Variants in KLHL13 observed in about 807,000 individuals in gnomAD.
The protein encoded by KLHL13 is kelch like family member 13.
KLHL13 carries 10 observed loss-of-function variants against 37.1 expected under a neutral mutation model. The ratio of observed to expected loss-of-function variants is 0.27; its 90% confidence interval spans 0.17 to 0.46. The LOEUF (loss-of-function observed/expected upper bound fraction) is 0.46. Ranked by LOEUF, KLHL13 falls within the 20% of genes least tolerant of loss-of-function variation. The pLI is 1.00. For missense variants in KLHL13, 360 were observed against 509.3 expected, an observed-to-expected ratio of 0.71 and a Z score of 2.82; for synonymous variants, 163 against 181.2, an observed-to-expected ratio of 0.90 and a Z score of 0.81.
At position 118,050,808 on chromosome X, in the gene KLHL13, C is replaced by G. The variant is rs188305403; in HGVS notation, c.-56+65700G>C. 2.7e-5 allele frequency among the ~76,000 whole-genome samples: 3 copies of G among 111,909 alleles called. No individual in the cohort carries two copies. The East Asian group carries it at 8.4e-4, about 31-fold the overall frequency. The stretch of plus-strand genomic sequence containing the variant: ...AAAATGTGAGAAATGAAAATATGAG[C>G]AAGACAGCATAAAATTATTATTTAC... On this transcript the variant is annotated intron_variant, in intron 1 of 6. Coordinates refer to the KLHL13 transcript ENST00000371882.
At chrX:118,096,113 C>A (rs2055202964) in intron 1 of KLHL13, among the ~76,000 whole-genome samples, 1 of 111,743 alleles carries the variant, frequency 8.9e-6, no homozygotes, top group African/African-American at 3.2e-5. Context: ...ACACAAAAAA[C>A]CCTTCAAAAA....
chrX:118,072,579 C>A (rs1202971660), intron 1 of KLHL13, among the ~76,000 whole-genome samples: 1 of 111,154 alleles, frequency 9.0e-6, no homozygotes, highest in African/African-American at 3.3e-5. Context: ...ACAACCTACT[C>A]ATCTGACAAA....
chrX:118,024,636 T>C (rs183563749), intron 1 of KLHL13, among the ~76,000 whole-genome samples: 20 of 111,692 alleles, frequency 1.8e-4, no homozygotes, highest in African/African-American at 6.5e-4. Context: ...AGAAAACCTA[T>C]TCATATCATT....
intron 1 of KLHL13, among the ~76,000 whole-genome samples, chrX:117,982,007 C>A (rs1336413410): frequency 2.7e-5 from 3 of 110,653 alleles, no homozygotes; most frequent in Non-Finnish European, 5.7e-5. Context: ...TAGCCCAAAA[C>A]CCCTAGAAAG....
intron 1 of KLHL13, among the ~76,000 whole-genome samples, chrX:118,091,246 G>T (rs1602715994): frequency 2.7e-5 from 3 of 110,288 alleles, no homozygotes; most frequent in Non-Finnish European, 3.8e-5. Flanking sequence ...ACCTGCACAT[G>T]GTGCACATGT....
chrX:118,073,146 C>T (rs2054890145), intron 1 of KLHL13, among the ~76,000 whole-genome samples: 1 of 109,825 alleles, frequency 9.1e-6, no homozygotes, highest in Admixed American at 9.8e-5. Flanking sequence ...CCCTCTATTT[C>T]TCCCTTCTCC....
At chrX:118,082,181 C>A (rs1419306888) in intron 1 of KLHL13, among the ~76,000 whole-genome samples, 2 of 110,481 alleles carry the variant, frequency 1.8e-5, no homozygotes, top group African/African-American at 3.3e-5. Flanking sequence ...TTTTTAGGAA[C>A]CTTCACACTA....
intron 1 of KLHL13, among the ~76,000 whole-genome samples, chrX:118,059,130 T>C (rs1050153696): frequency 8.9e-6 from 1 of 111,817 alleles, no homozygotes; most frequent in Non-Finnish European, 1.9e-5. Flanking sequence ...TCATATATTG[T>C]AGAAGCAAAT....
intron 1 of KLHL13, among the ~76,000 whole-genome samples, chrX:118,002,726 G>A (rs773120512): frequency 9.0e-6 from 1 of 111,449 alleles, no homozygotes; most frequent in South Asian, 3.8e-4. Context: ...CAAAGGCACA[G>A]AGAAGGGCCT....
At chrX:118,109,869 C>T (rs1447937261) in intron 1 of KLHL13, among the ~76,000 whole-genome samples, 3 of 111,142 alleles carry the variant, frequency 2.7e-5, no homozygotes, top group African/African-American at 9.8e-5. Flanking sequence ...GGCAACCCCA[C>T]AAAACCGAAG....
intron 2 of KLHL13, among the ~76,000 whole-genome samples, chrX:117,928,917 T>C (rs1021052561): frequency 9.0e-6 from 1 of 111,535 alleles, no homozygotes; most frequent in South Asian, 3.7e-4. Context: ...AGAAGATCCA[T>C]AAATCTGACA....
intron 1 of KLHL13, among the ~76,000 whole-genome samples, chrX:118,059,511 G>T (rs2054719060): frequency 9.0e-6 from 1 of 111,502 alleles, no homozygotes; most frequent in Admixed American, 9.5e-5. Context: ...CGATTTGGGG[G>T]CTTACTAGGA....
chrX:118,015,661 C>T (rs779768298), intron 1 of KLHL13, among the ~76,000 whole-genome samples: 15 of 111,075 alleles, frequency 1.4e-4, no homozygotes, highest in Non-Finnish European at 2.6e-4. Context: ...ATAAAACATG[C>T]AACATTACTA....
At chrX:117,949,877 G>T (rs1484590686) in intron 1 of KLHL13, among the ~76,000 whole-genome samples, 3 of 111,724 alleles carry the variant, frequency 2.7e-5, no homozygotes, top group African/African-American at 9.8e-5. Context: ...GGTTATGTGT[G>T]CCAATTCATG....
intron 1 of KLHL13, among the ~76,000 whole-genome samples, chrX:117,994,339 G>A (rs140841316): frequency 0.012 from 1,275 of 109,852 alleles, 20 homozygotes; most frequent in African/African-American, 0.04. Flanking sequence ...CTGCAGCCTC[G>A]AACTCCTGGG....
chrX:118,071,132 A>C (rs1304413885), intron 1 of KLHL13, among the ~76,000 whole-genome samples: 1 of 112,062 alleles, frequency 8.9e-6, no homozygotes, highest in Non-Finnish European at 1.9e-5. Context: ...TATATGTGCC[A>C]CATTCTCTTA....
intron 1 of KLHL13, among the ~76,000 whole-genome samples, chrX:118,011,145 A>G (rs1253864401): frequency 9.1e-6 from 1 of 109,720 alleles, no homozygotes; most frequent in Admixed American, 9.9e-5. Context: ...CATGGCATAT[A>G]TTTCAGTGAA....
chrX:117,944,578 G>A (rs149533542), intron 2 of KLHL13, among the ~76,000 whole-genome samples: 1,312 of 111,304 alleles, frequency 0.012, 21 homozygotes, highest in African/African-American at 0.041. Flanking sequence ...CTTGATCAGG[G>A]ATATGCATGA....
At chrX:117,967,607 A>G (rs2053458267) in intron 1 of KLHL13, among the ~76,000 whole-genome samples, 1 of 111,911 alleles carries the variant, frequency 8.9e-6, no homozygotes. Context: ...CTAAGTATAA[A>G]AAAAGGAATC....
Sources: allele counts gnomAD v4.1 joint callset (sites outside exome capture counted in the v4.1 genomes callset), GRCh38; gene constraint gnomAD v4.1.1; transcripts MANE v1.5; gene names NCBI Gene and HGNC (gene_info 2026-07-23, HGNC 2026-07-21).